ADCY1: variants seen among roughly 807,000 people sequenced by gnomAD.
The protein encoded by ADCY1 is adenylate cyclase 1.
ADCY1 carries 28 observed loss-of-function variants against 105.4 expected under a neutral mutation model. That is an observed-to-expected ratio of 0.27 (90% CI 0.20 to 0.36). The LOEUF (loss-of-function observed/expected upper bound fraction) is 0.36. Ranked by LOEUF, ADCY1 falls within the 10% of genes least tolerant of loss-of-function variation. The pLI is 1.00. For synonymous variants in ADCY1, 655 were observed against 623.8 expected (o/e 1.05, Z -0.75); for missense variants, 977 against 1,434.2 (o/e 0.68, Z 5.15).
chr7:45,710,411 C>G lies in ADCY1; in HGVS notation c.2933-117C>G, dbSNP rs1222704753. On this transcript the variant is annotated intron_variant, in intron 18 of 19. Transcript: ENST00000297323. The surrounding 1 kb of genome is among the most constrained non-coding windows in gnomAD (Gnocchi z 4.7). The stretch of plus-strand genomic sequence containing the variant: ...TGCTAGGTGACCCCAGGAAACAAAG[C>G]CCTGAAAGGAGCAGCCTTTTCTCCA... 2.8e-6 allele frequency: 4 copies of G among 1,447,322 alleles called. No individual in the cohort carries two copies. The highest frequency in any genetic ancestry group is 3.7e-6 in the Non-Finnish European group (4 of 1,070,248). 89.7% of individuals were successfully genotyped at this position (1,447,322 alleles called of 1,614,324 possible). A position where few individuals can be genotyped will look rare whatever the true frequency, so the allele number is the denominator to read the frequency against.
chr7:45,585,113 A>G (rs1374393057), intron 1 of ADCY1, among the ~76,000 whole-genome samples: 5 of 152,230 alleles, frequency 3.3e-5, no homozygotes, highest in Admixed American at 1.3e-4. Context: ...TCATTCCCCT[A>G]TGAGAGGAAT....
At chr7:45,611,559 G>T (rs529256222) in intron 3 of ADCY1, among the ~76,000 whole-genome samples, 1 of 151,534 alleles carries the variant, frequency 6.6e-6, no homozygotes, top group Non-Finnish European at 1.5e-5. Flanking sequence ...AGGAGGAAGG[G>T]ATTGTTCCCA....
intron 14 of ADCY1, among the ~76,000 whole-genome samples, chr7:45,698,990 A>G (rs1054978288): frequency 6.6e-6 from 1 of 152,262 alleles, no homozygotes; most frequent in African/African-American, 2.4e-5. Context: ...TGTGTTTAAA[A>G]TACAGTCTTT....
intron 5 of ADCY1, among the ~76,000 whole-genome samples, chr7:45,654,581 C>T (rs1794890566): frequency 6.6e-6 from 1 of 152,190 alleles, no homozygotes; most frequent in African/African-American, 2.4e-5. Context: ...CCAGCAGTAT[C>T]TTACTTTTTA....
Position 45,592,745 on chromosome 7 carries a change from T to C in ADCY1, c.640-14T>C. 6.2e-7 allele frequency: 1 copy of C among 1,613,690 alleles called. No homozygotes were observed. ...ATGTCAGGCTCCACATGTTGCCTCCTTCTCTCCCTGCAGCTCGGTGCCAAT... is the reference window on the plus strand; with the variant it reads ...ATGTCAGGCTCCACATGTTGCCTCCCTCTCTCCCTGCAGCTCGGTGCCAAT... On this transcript the variant is annotated splice_polypyrimidine_tract_variant and intron_variant, in intron 1 of 19. Transcript: ENST00000297323.
At position 45,710,683 on chromosome 7, in the gene ADCY1, G is replaced by T; in HGVS notation, c.3057+31G>T. The T allele has an allele frequency of 1.3e-6, 2 of 1,594,138 alleles. No homozygotes were observed. The highest frequency in any genetic ancestry group is 8.5e-7 in the Non-Finnish European group (1 of 1,170,206). On this transcript the variant is annotated intron_variant, in intron 19 of 19. Coordinates refer to ENST00000297323, the MANE Select transcript of ADCY1 (RefSeq NM_021116.4). The surrounding 1 kb of genome is among the most constrained non-coding windows in gnomAD (Gnocchi z 4.7). ...TTCACCAAGAAACCCCTAAGGCATG[G>T]GTGCCCATTCTTCAGGTGAGGAAAC...
In ADCY1 at chr7:45,583,670, C is replaced by T. The variant is rs370268445; in HGVS notation, c.639+8488C>T. 6.6e-5 allele frequency among the ~76,000 whole-genome samples: 10 copies of T among 152,056 alleles called. No individual in the cohort carries two copies. In the South Asian group the frequency reaches 8.3e-4, roughly 13 times the overall value. ...CTTCTTTTTTTTTGAGATGGAGTTT[C>T]GCTCTTGTTGCCCAGGCCGGAGTGC... is the stretch of plus-strand genomic sequence containing the variant. On this transcript the variant is annotated intron_variant, in intron 1 of 19. Coordinates refer to ENST00000297323, the MANE Select transcript of ADCY1 (RefSeq NM_021116.4).
chr7:45,592,696 C>G, intron 1 of ADCY1, 63 bp from the exon 2 acceptor site: 1 of 1,607,070 alleles, frequency 6.2e-7, no homozygotes, highest in Middle Eastern at 1.7e-4. Flanking sequence ...TCCGGGCGGC[C>G]TAGGCCCTCT....
chr7:45,667,145 T>G (rs938978768), intron 8 of ADCY1, among the ~76,000 whole-genome samples: 2 of 152,220 alleles, frequency 1.3e-5, no homozygotes, highest in African/African-American at 4.8e-5. Flanking sequence ...AGATCCCATT[T>G]GTCAATTTTG....
At chr7:45,667,439 A>T (rs144696467) in intron 8 of ADCY1, among the ~76,000 whole-genome samples, 5,593 of 152,200 alleles carry the variant, frequency 0.037, 122 homozygotes, top group East Asian at 0.065. Flanking sequence ...TGATAGTTGT[A>T]GATGTGTGGC....
At position 45,722,457 on chromosome 7, in the gene ADCY1, AGCTTTGTGTAGCTCGT is replaced by A; in HGVS notation, c.*8465_*8480del. The stretch of plus-strand genomic sequence containing the variant: ...TGGAGCCTGAGCTTTGTGTAGCTCG[AGCTTTGTGTAGCTCGT>A]GCACTTATTATGCACCACCTCCCTT... On this transcript the variant is annotated 3_prime_UTR_variant, in exon 20 of 20. Transcript: ENST00000297323. The A allele has an allele frequency of 6.6e-6, 1 of 152,168 alleles. No homozygotes were observed. 9.4% of individuals were successfully genotyped at this position (152,168 alleles called of 1,614,324 possible). A position where few individuals can be genotyped will look rare whatever the true frequency, so the allele number is the denominator to read the frequency against.
chr7:45,649,439 C>G (rs1363332760), intron 5 of ADCY1, among the ~76,000 whole-genome samples: 3 of 135,002 alleles, frequency 2.2e-5, no homozygotes, highest in African/African-American at 5.5e-5. Context: ...ACAAACATCT[C>G]AAAATGTGGA....
chr7:45,629,798 C>T (rs12702159), intron 4 of ADCY1, among the ~76,000 whole-genome samples: 28,739 of 152,126 alleles, frequency 0.19, 3,341 homozygotes, highest in Middle Eastern at 0.3. Context: ...GGATTACAGG[C>T]GTGAGCCACC....
intron 11 of ADCY1, among the ~76,000 whole-genome samples, chr7:45,682,417 C>T (rs150571987): frequency 1.9e-3 from 287 of 152,146 alleles, no homozygotes; most frequent in Non-Finnish European, 3.5e-3. Flanking sequence ...ACATCAGGAG[C>T]GGGCAGAGGA....
At chr7:45,576,839 C>T (rs1792363968) in intron 1 of ADCY1, among the ~76,000 whole-genome samples, 1 of 152,134 alleles carries the variant, frequency 6.6e-6, no homozygotes, top group African/African-American at 2.4e-5. Flanking sequence ...CCTGGGCAGG[C>T]CCAGGGATCC....
At position 45,681,171 on chromosome 7, in the gene ADCY1, A is replaced by G. The variant is rs533198369; in HGVS notation, c.1983+1378A>G. ...AAATTAAGAAAACTCTCGGTTCTAA[A>G]AAACACATGATCTGTGGGATTGGGG... On this transcript the variant is annotated intron_variant, in intron 11 of 19. Coordinates refer to ENST00000297323, the MANE Select transcript of ADCY1 (RefSeq NM_021116.4). Among the ~76,000 whole-genome samples, 8 of 152,382 alleles carry G rather than the reference A, an allele frequency of 5.2e-5. No individual in the cohort carries two copies. The South Asian group carries it at 1.4e-3, about 28-fold the overall frequency.
At position 45,721,474 on chromosome 7, in the gene ADCY1, C is replaced by T. The variant is rs73320930; in HGVS notation, c.*7479C>T. The T allele has an allele frequency of 1.2e-3, 483 of 393,228 alleles. 1 individual carries two copies. The highest frequency in any genetic ancestry group is 9.0e-3 in the African/African-American group (436 of 48,636). 24.4% of individuals were successfully genotyped at this position (393,228 alleles called of 1,614,324 possible). A position where few individuals can be genotyped will look rare whatever the true frequency, so the allele number is the denominator to read the frequency against. On this transcript the variant is annotated 3_prime_UTR_variant, in exon 20 of 20. Transcript: ENST00000297323. The stretch of plus-strand genomic sequence containing the variant: ...CTGTTGCCTTATTTTTTTGTAAAGC[C>T]TCTCTGACATCAAATGGGGAGAAAT...
rs1002285863 is a variant in ADCY1, at chr7:45,722,133, G to C, written c.*8138G>C. The C allele has an allele frequency of 1.7e-5, 5 of 302,034 alleles. No individual in the cohort carries two copies. The highest frequency in any genetic ancestry group is 3.0e-5 in the Non-Finnish European group (5 of 164,774). The allele number at this position is 302,034 out of a possible 1,614,324, so 18.7% of individuals were successfully genotyped here. ...CAGGCACACGAAGCACAAGTCTCAG[G>C]GGACCATTCCCACATTGGGGGATCC... On this transcript the variant is annotated 3_prime_UTR_variant, in exon 20 of 20. Coordinates refer to ENST00000297323, the MANE Select transcript of ADCY1 (RefSeq NM_021116.4).
rs765608579 is a variant in ADCY1 at position 45,721,844 on chromosome 7, A to G, written c.*7849A>G. 1 of 398,606 alleles carries G rather than the reference A, an allele frequency of 2.5e-6. No homozygotes were observed. The highest frequency in any genetic ancestry group is 4.4e-6 in the Non-Finnish European group (1 of 226,080). The allele number at this position is 398,606 out of a possible 1,614,324, so 24.7% of individuals were successfully genotyped here. A position where few individuals can be genotyped will look rare whatever the true frequency, so the allele number is the denominator to read the frequency against. Reference sequence around the variant, plus strand: ...CTGGTACCGGGCGGTTCAGACCTTCAAATAGGTTGCTTTCAAAAGAGCTTT... The same window carrying G: ...CTGGTACCGGGCGGTTCAGACCTTCGAATAGGTTGCTTTCAAAAGAGCTTT... On this transcript the variant is annotated 3_prime_UTR_variant, in exon 20 of 20. Transcript: ENST00000297323.
Sources: gnomAD v4.1 joint callset for allele counts (sites outside exome capture counted in the v4.1 genomes callset) on GRCh38, gnomAD v4.1.1 for gene constraint, Gnocchi (gnomAD v3.1) non-coding constraint, MANE v1.5 for transcripts, NCBI Gene and HGNC (gene_info 2026-07-23, HGNC 2026-07-21) for gene names.